Variants in EPHA7 observed in about 807,000 individuals in gnomAD.
EPHA7 encodes the protein EPH receptor A7.
In EPHA7, 25 loss-of-function variants were observed where a neutral mutation model predicts 112.6. The ratio of observed to expected loss-of-function variants is 0.22; its 90% CI spans 0.16 to 0.31. The LOEUF is 0.31. EPHA7 is among the 10% of genes least tolerant of loss of function. The pLI, the probability that EPHA7 is intolerant of heterozygous loss-of-function variation, is 1.00. For synonymous variants in EPHA7, 437 were observed against 406.5 expected (o/e 1.07, Z -0.90); for missense variants, 962 against 1,212.6 (o/e 0.79, Z 3.07).
chr6:93,338,207 T>G (rs953707420), intron 5 of EPHA7, among the ~76,000 whole-genome samples: 15 of 152,084 alleles, frequency 9.9e-5, no homozygotes, highest in African/African-American at 3.4e-4. Flanking sequence ...CCATCCAAAT[T>G]CAGAGTGCTT....
intron 5 of EPHA7, among the ~76,000 whole-genome samples, chr6:93,338,146 A>G (rs1207352641): frequency 6.6e-6 from 1 of 152,096 alleles, no homozygotes; most frequent in Non-Finnish European, 1.5e-5. Flanking sequence ...AAGAAAAAAC[A>G]ATTTTCTGCG....
intron 5 of EPHA7, among the ~76,000 whole-genome samples, chr6:93,340,080 G>A (rs1165618298): frequency 6.6e-6 from 1 of 151,662 alleles, no homozygotes; most frequent in Non-Finnish European, 1.5e-5. Flanking sequence ...TCTTTGTTTA[G>A]CTATATATGC....
intron 5 of EPHA7, among the ~76,000 whole-genome samples, chr6:93,353,922 A>C (rs1463141598): frequency 6.6e-6 from 1 of 152,072 alleles, no homozygotes; most frequent in Non-Finnish European, 1.5e-5. Context: ...CTCAAAACTT[A>C]ACAGAAAAGG....
intron 3 of EPHA7, among the ~76,000 whole-genome samples, chr6:93,389,097 A>C (rs1208172063): frequency 6.6e-6 from 1 of 152,090 alleles, no homozygotes; most frequent in Non-Finnish European, 1.5e-5. Flanking sequence ...ATTTGGAGAG[A>C]GAATCAATAA....
At position 93,242,947 on chromosome 6, in the gene EPHA7, G is replaced by T. The variant is rs1582376030; in HGVS notation, c.*479C>A. On this transcript the variant is annotated 3_prime_UTR_variant, in exon 17 of 17. Coordinates refer to ENST00000369303, the MANE Select transcript of EPHA7 (RefSeq NM_004440.4). ...AATGTTACAGATTTAACACTAAAAA[G>T]GTCCAAAGCTATAAACAGCTTTCTA... 1 of 218,222 alleles carries T rather than the reference G, an allele frequency of 4.6e-6. No individual in the cohort carries two copies. The highest frequency in any genetic ancestry group is 2.2e-5 in the African/African-American group (1 of 44,480). The allele number at this position is 218,222 out of a possible 1,614,324, so 13.5% of individuals were successfully genotyped here. A position where few individuals can be genotyped will look rare whatever the true frequency, so the allele number is the denominator to read the frequency against.
At chr6:93,315,132 G>GATATTTATAT (rs1773746074) in intron 5 of EPHA7, among the ~76,000 whole-genome samples, 1 of 150,192 alleles carries the variant, frequency 6.7e-6, no homozygotes, top group African/African-American at 2.5e-5. Context: ...AAAGTGCTGG[G>GATATTTATAT]ATTACAGGCG....
intron 3 of EPHA7, among the ~76,000 whole-genome samples, chr6:93,398,747 T>C (rs1778300612): frequency 6.6e-6 from 1 of 152,066 alleles, no homozygotes; most frequent in South Asian, 2.1e-4. Context: ...GGAGTAGTAA[T>C]TGTCTCATTG....
intron 5 of EPHA7, among the ~76,000 whole-genome samples, chr6:93,313,177 A>C (rs941798923): frequency 6.6e-6 from 1 of 152,136 alleles, no homozygotes; most frequent in Admixed American, 6.5e-5. Flanking sequence ...TCAATTCGTA[A>C]AAAATGCGAT....
At chr6:93,392,683 A>G (rs1364873864) in intron 3 of EPHA7, among the ~76,000 whole-genome samples, 1 of 151,988 alleles carries the variant, frequency 6.6e-6, no homozygotes, top group African/African-American at 2.4e-5. Context: ...GCAAATTGCC[A>G]CCAAAGAATA....
chr6:93,368,312 C>T (rs957578105), intron 3 of EPHA7, among the ~76,000 whole-genome samples: 1 of 152,060 alleles, frequency 6.6e-6, no homozygotes, highest in African/African-American at 2.4e-5. Flanking sequence ...ACCTTTCCTG[C>T]CAAAGCTGTA....
At chr6:93,352,149 T>C (rs931087623) in intron 5 of EPHA7, among the ~76,000 whole-genome samples, 3 of 152,158 alleles carry the variant, frequency 2.0e-5, no homozygotes, top group African/African-American at 7.2e-5. Context: ...GTGACACAGA[T>C]AAACATGACA....
chr6:93,273,539 C>T (rs749291720), intron 5 of EPHA7, among the ~76,000 whole-genome samples: 8 of 151,842 alleles, frequency 5.3e-5, no homozygotes, highest in Non-Finnish European at 1.2e-4. Context: ...ACATTTTTCA[C>T]TTCTTTCTGG....
chr6:93,263,273 T>C (rs1394171237), intron 9 of EPHA7, among the ~76,000 whole-genome samples: 4 of 151,374 alleles, frequency 2.6e-5, no homozygotes, highest in African/African-American at 9.7e-5. Flanking sequence ...AGGCATCTAT[T>C]TTATTTGGGT....
intron 3 of EPHA7, among the ~76,000 whole-genome samples, chr6:93,375,276 T>C (rs1337332762): frequency 6.6e-6 from 1 of 152,008 alleles, no homozygotes; most frequent in African/African-American, 2.4e-5. Flanking sequence ...TATGTGTAAC[T>C]TGAAATGTAA....
intron 3 of EPHA7, among the ~76,000 whole-genome samples, chr6:93,359,599 G>T (rs1314170731): frequency 6.6e-6 from 1 of 151,792 alleles, no homozygotes; most frequent in Non-Finnish European, 1.5e-5. Context: ...TTTTCACTCT[G>T]CGGGGCATGG....
chr6:93,288,344 T>C (rs946116479), intron 5 of EPHA7, among the ~76,000 whole-genome samples: 3 of 152,202 alleles, frequency 2.0e-5, no homozygotes. Context: ...TTATATGACA[T>C]GTCTAGAACA....
intron 5 of EPHA7, among the ~76,000 whole-genome samples, chr6:93,343,956 G>A (rs994884042): frequency 1.3e-5 from 2 of 151,650 alleles, no homozygotes; most frequent in African/African-American, 2.4e-5. Context: ...TAAAGGAAAT[G>A]TGTCTAAAAA....
At chr6:93,346,794 T>G (rs1222977272) in intron 5 of EPHA7, among the ~76,000 whole-genome samples, 1 of 151,766 alleles carries the variant, frequency 6.6e-6, no homozygotes, top group Non-Finnish European at 1.5e-5. Context: ...TTGAACAAAC[T>G]TCTTTACTCT....
chr6:93,295,648 C>A (rs1038155395), intron 5 of EPHA7, among the ~76,000 whole-genome samples: 1 of 151,620 alleles, frequency 6.6e-6, no homozygotes, highest in African/African-American at 2.4e-5. Context: ...AATCAAAGGT[C>A]ATTAAGATAG....
Sources: allele counts gnomAD v4.1 joint callset (sites outside exome capture counted in the v4.1 genomes callset), GRCh38; gene constraint gnomAD v4.1.1; transcripts MANE v1.5; gene names NCBI Gene and HGNC (gene_info 2026-07-23, HGNC 2026-07-21).